Variants in ANKRD11 observed in about 807,000 individuals in gnomAD.
ANKRD11 encodes ankyrin repeat domain 11, also known as ankyrin repeat domain-containing protein 11.
Under a neutral mutation model 195.7 loss-of-function variants are expected in ANKRD11, and 17 were observed. The observed-to-expected ratio is 0.09, with a 90% CI of 0.06 to 0.13. ANKRD11 has a LOEUF of 0.13. ANKRD11 is among the 10% of genes least tolerant of loss of function. The pLI is 1.00. For synonymous variants in ANKRD11, 1,953 were observed against 1,528.1 expected (o/e 1.28, Z -6.49); for missense variants, 3,735 against 3,566.1 (o/e 1.05, Z -1.21).
chr16:89,388,198 C>G (rs1229202023), intron 2 of ANKRD11, among the ~76,000 whole-genome samples: 1 of 152,022 alleles, frequency 6.6e-6, no homozygotes, highest in Non-Finnish European at 1.5e-5. Flanking sequence ...TAACACCAGA[C>G]TATTCACCAC....
chr16:89,313,141 G>C (rs1350000762), intron 3 of ANKRD11, among the ~76,000 whole-genome samples: 2 of 152,222 alleles, frequency 1.3e-5, no homozygotes, highest in African/African-American at 4.8e-5. Context: ...TCAGGTGACT[G>C]CTCGTCGGAG....
At chr16:89,300,784 C>G (rs950802236) in intron 4 of ANKRD11, 6 of 679,736 alleles carry the variant, frequency 8.8e-6, no homozygotes, top group Non-Finnish European at 1.3e-5. Context: ...GCAGAGAGCA[C>G]ACCCCAGGCA....
chr16:89,301,476 G>A, intron 4 of ANKRD11: 1 of 398,546 alleles, frequency 2.5e-6, no homozygotes, highest in East Asian at 3.6e-5. Flanking sequence ...GGCAGAGCAG[G>A]GCAGGCAAGA....
intron 1 of ANKRD11, among the ~76,000 whole-genome samples, chr16:89,450,085 G>A (rs185323042): frequency 1.3e-5 from 2 of 152,278 alleles, no homozygotes; most frequent in Admixed American, 1.3e-4. Flanking sequence ...GCAAACAATT[G>A]TGTTACTGAA....
At chr16:89,469,484 A>C (rs1163838863) in intron 1 of ANKRD11, among the ~76,000 whole-genome samples, 1 of 151,940 alleles carries the variant, frequency 6.6e-6, no homozygotes, top group Non-Finnish European at 1.5e-5. Context: ...TGGCCTCCCG[A>C]AGTGCTAGAA....
Position 89,282,873 on chromosome 16 carries a change from T to TCTGTCCTTC in ANKRD11, c.3660_3668dup (p.Lys1221_Arg1223dup), listed in dbSNP as rs896542526. On this transcript the variant is annotated inframe_insertion, in exon 9 of 13. Coordinates refer to ENST00000301030, the MANE Select transcript of ANKRD11 (RefSeq NM_013275.6). ...TATCTTGCGTGGAGTCCACTGAGGC[T>TCTGTCCTTC]CTGTCCTTCCTGTCCTTGTACTTTT... is the stretch of plus-strand genomic sequence containing the variant. 2 of 1,612,856 alleles carry TCTGTCCTTC rather than the reference T, an allele frequency of 1.2e-6. No homozygotes were observed. The highest frequency in any genetic ancestry group is 2.7e-5 in the African/African-American group (2 of 74,912).
intron 2 of ANKRD11, among the ~76,000 whole-genome samples, chr16:89,388,698 G>A (rs967094946): frequency 3.3e-5 from 5 of 152,166 alleles, no homozygotes; most frequent in African/African-American, 4.8e-5. Context: ...TAGCGGACAG[G>A]ACGTCATCCA....
In ANKRD11 at chr16:89,282,288, T is replaced by G. The variant is rs754598010; in HGVS notation, c.4254A>C (p.Lys1418Asn). Residue 1418 changes from lysine (K) to asparagine (N), a missense_variant, in exon 9 of 13, where the codon AAA (lysine) becomes AAC (asparagine). By Grantham distance (94) the Lys-to-Asn change is moderately conservative. Coordinates refer to ENST00000301030, the MANE Select transcript of ANKRD11 (RefSeq NM_013275.6). The stretch of plus-strand genomic sequence containing the variant: ...TTTCGGTAGAAAACAATTCAATGGT[T>G]TTATCTAGCTCATCTTCTATGTCAG... ...MKADIEDELD[K>N]TIELFSTEKK... 6.2e-7 allele frequency: 1 copy of G among 1,614,196 alleles called. No homozygotes were observed.
Position 89,460,216 on chromosome 16 carries a change from C to A in ANKRD11, c.-145+30029G>T, listed in dbSNP as rs150658035. On this transcript the variant is annotated intron_variant, in intron 1 of 12. Coordinates refer to ENST00000301030, the MANE Select transcript of ANKRD11 (RefSeq NM_013275.6). Reference sequence around the variant, plus strand: ...TTGCGCCACTGCACTCCAGCCTGGGCAACAGACTAAGACACCGTCTCAAAA... The same window carrying A: ...TTGCGCCACTGCACTCCAGCCTGGGAAACAGACTAAGACACCGTCTCAAAA... 7.6e-3 allele frequency among the ~76,000 whole-genome samples: 1,149 copies of A among 151,166 alleles called. 14 individuals carry two copies. Among genetic ancestry groups the A allele is most frequent in the African/African-American group, 0.026 (1,074 of 41,136 alleles).
rs144215697 is a variant in ANKRD11 at position 89,394,037 on chromosome 16, C to T, written c.-60+24247G>A. Among the ~76,000 whole-genome samples the T allele has an allele frequency of 3.1e-3, 476 of 152,268 alleles. 2 individuals are homozygous for T. The highest frequency in any genetic ancestry group is 0.011 in the African/African-American group (438 of 41,558). On this transcript the variant is annotated intron_variant, in intron 2 of 12. Transcript: ENST00000301030. ...CCAGTGTTTGCTGACTGCAACACAG[C>T]GGTGCCTGCAGCTCACAGGGTGCTC...
At chr16:89,486,846 A>G (rs2057631171) in intron 1 of ANKRD11, among the ~76,000 whole-genome samples, 1 of 152,008 alleles carries the variant, frequency 6.6e-6, no homozygotes, top group African/African-American at 2.4e-5. Flanking sequence ...GTCTCTACTA[A>G]CAATAAAAAA....
intron 2 of ANKRD11, among the ~76,000 whole-genome samples, chr16:89,376,466 CTT>C (rs939140509): frequency 3.3e-5 from 5 of 152,264 alleles, no homozygotes; most frequent in African/African-American, 1.2e-4. Context: ...GAGTCAGACT[CTT>C]GTTCCGTCAC....
At chr16:89,306,391 T>C (rs1597560023) in intron 3 of ANKRD11, among the ~76,000 whole-genome samples, 1 of 37,328 alleles carries the variant, frequency 2.7e-5, no homozygotes, top group Admixed American at 3.3e-4. Context: ...TACCTCCCAC[T>C]CCGCAGACAC....
chr16:89,319,529 C>T (rs372249773), intron 2 of ANKRD11, among the ~76,000 whole-genome samples: 1 of 152,228 alleles, frequency 6.6e-6, no homozygotes, highest in African/African-American at 2.4e-5. Flanking sequence ...CCATCCAGGC[C>T]GTGGCCCTTC....
At chr16:89,442,386 T>C (rs1279485357) in intron 1 of ANKRD11, among the ~76,000 whole-genome samples, 2 of 152,200 alleles carry the variant, frequency 1.3e-5, no homozygotes, top group Non-Finnish European at 2.9e-5. Flanking sequence ...TGAATCTGTC[T>C]CAGAAAACCA....
At chr16:89,448,289 TAAAAAG>T (rs1372320062) in intron 1 of ANKRD11, among the ~76,000 whole-genome samples, 1 of 152,036 alleles carries the variant, frequency 6.6e-6, no homozygotes, top group African/African-American at 2.4e-5. Flanking sequence ...CCATGTAATA[TAAAAAG>T]AAAAAGTCTC....
rs1003238231 is a variant in ANKRD11 at position 89,313,411 on chromosome 16, A to G, written c.87+3522T>C. The G allele has an allele frequency of 1.6e-5, 21 of 1,288,776 alleles. No individual in the cohort carries two copies. The African/African-American group carries it at 2.4e-4, about 15-fold the overall frequency. The allele number at this position is 1,288,776 out of a possible 1,614,324, so 79.8% of individuals were successfully genotyped here. A position where few individuals can be genotyped will look rare whatever the true frequency, so the allele number is the denominator to read the frequency against. On this transcript the variant is annotated intron_variant, in intron 3 of 12. Transcript: ENST00000301030. ...GGATTCCGTGGTCGGCAATGGTGAG[A>G]GACCGTCTGCAGAAGGGGCCCTTTC...
At chr16:89,467,212 G>A (rs182380027) in intron 1 of ANKRD11, among the ~76,000 whole-genome samples, 13 of 152,072 alleles carry the variant, frequency 8.5e-5, no homozygotes, top group Admixed American at 2.0e-4. Context: ...CAGGTGGATC[G>A]CTTGAGCCCA....
rs143247837 is a variant in ANKRD11, at chr16:89,388,732, C to T, written c.-60+29552G>A. Reference sequence around the variant, plus strand: ...CACACAAAGAAGAGCCGGCAGGTCCCGGGCTCACACAGGTCTGGAATGGTG... The same window carrying T: ...CACACAAAGAAGAGCCGGCAGGTCCTGGGCTCACACAGGTCTGGAATGGTG... On this transcript the variant is annotated intron_variant, in intron 2 of 12. Transcript: ENST00000301030. Among the ~76,000 whole-genome samples the T allele has an allele frequency of 5.2e-3, 785 of 152,220 alleles. 7 individuals are homozygous for T. Among genetic ancestry groups the T allele is most frequent in the East Asian group, 0.016 (82 of 5,182 alleles).
Sources: gnomAD v4.1 joint callset for allele counts (sites outside exome capture counted in the v4.1 genomes callset) on GRCh38, gnomAD v4.1.1 for gene constraint, MANE v1.5 for transcripts, NCBI Gene and HGNC (gene_info 2026-07-23, HGNC 2026-07-21) for gene names.